The following NTRK2 variants were observed in gnomAD, a reference collection of about 807,000 sequenced individuals.
NTRK2 encodes the protein neurotrophic receptor tyrosine kinase 2, also known as BDNF/NT-3 growth factors receptor.
NTRK2 carries 13 observed loss-of-function variants against 94.5 expected under a neutral mutation model. That is an observed-to-expected ratio of 0.14 (90% confidence interval 0.09 to 0.22). NTRK2 has a LOEUF of 0.22. Ranked by LOEUF, NTRK2 falls within the 10% of genes least tolerant of loss-of-function variation. The pLI is 1.00. For synonymous variants in NTRK2, 372 were observed against 407.4 expected (o/e 0.91, Z 1.05); for missense variants, 639 against 1,071.2 (o/e 0.60, Z 5.63).
chr9:84,739,751 C>G (rs921612609), intron 9 of NTRK2, among the ~76,000 whole-genome samples: 2 of 152,150 alleles, frequency 1.3e-5, no homozygotes, highest in Non-Finnish European at 2.9e-5. Context: ...CTAGAAAAAG[C>G]CCTCAGTCCT....
At chr9:84,939,156 T>C (rs1278809949) in intron 15 of NTRK2, among the ~76,000 whole-genome samples, 3 of 151,986 alleles carry the variant, frequency 2.0e-5, no homozygotes, top group African/African-American at 7.2e-5. Context: ...TCATAGACTT[T>C]TATAGCTGAA....
At chr9:84,864,736 C>CT (rs71369154) in intron 13 of NTRK2, among the ~76,000 whole-genome samples, 63,722 of 104,264 alleles carry the variant, frequency 0.61, 19,942 homozygotes, top group South Asian at 0.71. Flanking sequence ...TCTTAATTTT[C>CT]TTTTTTTTTT....
intron 12 of NTRK2, among the ~76,000 whole-genome samples, chr9:84,798,912 C>CTATATATA (rs57167822): frequency 0.023 from 2,991 of 127,664 alleles, 74 homozygotes; most frequent in African/African-American, 0.029. Flanking sequence ...CTTCTAAGTG[C>CTATATATA]TATATATATA....
rs780853294 is a variant in NTRK2 at position 84,703,847 on chromosome 9, T to G, written c.359+1428T>G. On this transcript the variant is annotated intron_variant, in intron 4 of 18. Transcript: ENST00000277120. The stretch of plus-strand genomic sequence containing the variant: ...CATTTTTGCAGTCTGCACAAATCTT[T>G]GCCTGCACAAATCTGATGGCTGCAT... 6.7e-4 allele frequency among the ~76,000 whole-genome samples: 102 copies of G among 152,232 alleles called. 1 individual carries two copies. The highest frequency in any genetic ancestry group is 2.0e-3 in the Admixed American group (31 of 15,284).
chr9:84,962,712 G>A (rs1250827478), intron 17 of NTRK2, among the ~76,000 whole-genome samples: 1 of 152,114 alleles, frequency 6.6e-6, no homozygotes, highest in Non-Finnish European at 1.5e-5. Flanking sequence ...TTGGGCCTCC[G>A]CTTTCTCGTG....
intron 12 of NTRK2, among the ~76,000 whole-genome samples, chr9:84,755,721 C>T (rs2065030355): frequency 6.6e-6 from 1 of 151,922 alleles, no homozygotes; most frequent in African/African-American, 2.4e-5. Context: ...TTTCTACCTC[C>T]CTACCTTTGA....
intron 12 of NTRK2, among the ~76,000 whole-genome samples, chr9:84,797,848 T>C (rs1196470054): frequency 1.2e-5 from 1 of 82,448 alleles, no homozygotes; most frequent in Non-Finnish European, 2.3e-5. Context: ...ATATATTATA[T>C]ATTATATATA....
intron 12 of NTRK2, chr9:84,810,631 G>T: frequency 6.2e-7 from 1 of 1,613,402 alleles, no homozygotes; most frequent in Non-Finnish European, 8.5e-7. Context: ...GTTGGTTGAT[G>T]CTGCCATGTA....
chr9:84,813,645 T>A (rs2072058220), intron 12 of NTRK2: 4 of 1,066,080 alleles, frequency 3.8e-6, no homozygotes, highest in Non-Finnish European at 4.5e-6. Flanking sequence ...TGTCTCCCTT[T>A]GCTGGGAATT....
At chr9:84,911,847 A>G (rs1045560059) in intron 14 of NTRK2, among the ~76,000 whole-genome samples, 10 of 151,918 alleles carry the variant, frequency 6.6e-5, no homozygotes, top group Non-Finnish European at 1.5e-5. Flanking sequence ...AGGAACTTAG[A>G]TTATTCATTT....
chr9:84,676,960 A>AGTGT (rs58789627), intron 2 of NTRK2, among the ~76,000 whole-genome samples: 8,390 of 150,036 alleles, frequency 0.056, 310 homozygotes, highest in East Asian at 0.12. Flanking sequence ...ACTGTGTGTG[A>AGTGT]GTGTGTGTGT....
intron 17 of NTRK2, among the ~76,000 whole-genome samples, chr9:84,982,912 C>A (rs9802671): frequency 0.11 from 16,099 of 151,986 alleles, 1,216 homozygotes; most frequent in East Asian, 0.43. Flanking sequence ...ATGTATTCAG[C>A]AGATTATATA....
chr9:84,973,909 C>G (rs1323029270), intron 17 of NTRK2, among the ~76,000 whole-genome samples: 1 of 152,188 alleles, frequency 6.6e-6, no homozygotes, highest in African/African-American at 2.4e-5. Context: ...GATACAGTTT[C>G]TCCTACAGAA....
At chr9:84,671,024 G>A (rs2131270603) in intron 2 of NTRK2, 64 bp downstream of exon 2, 1 of 1,492,476 alleles carries the variant, frequency 6.7e-7, no homozygotes, top group African/African-American at 1.4e-5. Context: ...GGCCAGGTGG[G>A]TAGGTCCTGG....
chr9:84,671,002 A>G, intron 2 of NTRK2, 42 bp downstream of exon 2: 1 of 1,583,868 alleles, frequency 6.3e-7, no homozygotes, highest in Non-Finnish European at 8.6e-7. Flanking sequence ...CCTTGCCCCT[A>G]GGGCCCGAGC....
chr9:84,700,315 A>G (rs1449861395), intron 2 of NTRK2, among the ~76,000 whole-genome samples: 2 of 152,242 alleles, frequency 1.3e-5, no homozygotes, highest in Non-Finnish European at 1.5e-5. Flanking sequence ...AAATGTATCT[A>G]AAGTATGATA....
intron 6 of NTRK2, among the ~76,000 whole-genome samples, chr9:84,717,702 C>G (rs572500077): frequency 6.6e-6 from 1 of 152,268 alleles, no homozygotes; most frequent in African/African-American, 2.4e-5. Flanking sequence ...CTAGCACATA[C>G]TAAGTACCCA....
intron 12 of NTRK2, among the ~76,000 whole-genome samples, chr9:84,763,810 A>C (rs552714813): frequency 1.3e-5 from 2 of 152,216 alleles, no homozygotes; most frequent in South Asian, 4.1e-4. Flanking sequence ...ACCAAGATCA[A>C]TTCAAAGTTC....
intron 14 of NTRK2, among the ~76,000 whole-genome samples, chr9:84,888,518 C>G (rs1372462730): frequency 7.0e-6 from 1 of 143,342 alleles, no homozygotes; most frequent in African/African-American, 2.6e-5. Flanking sequence ...GAGGCTGAGG[C>G]AGGAGAATCG....
Sources: gnomAD v4.1 joint callset for allele counts (sites outside exome capture counted in the v4.1 genomes callset) on GRCh38, gnomAD v4.1.1 for gene constraint, MANE v1.5 for transcripts, NCBI Gene and HGNC (gene_info 2026-07-23, HGNC 2026-07-21) for gene names.